SV2C: variants seen among roughly 807,000 people sequenced by gnomAD.
SV2C encodes solute carrier family 22 member B3.
SV2C carries 49 observed loss-of-function variants against 79.7 expected under a neutral mutation model. The ratio of observed to expected loss-of-function variants is 0.61; its 90% confidence interval spans 0.49 to 0.78. The LOEUF (loss-of-function observed/expected upper bound fraction) is 0.78. Among genes scored for constraint, SV2C ranks in the 30% least tolerant of loss-of-function variants. The pLI, the probability that SV2C is intolerant of heterozygous loss-of-function variation, is 0.00. For synonymous variants in SV2C, 334 were observed against 333.2 expected (o/e 1.00, Z -0.03); for missense variants, 833 against 912.9 (o/e 0.91, Z 1.13).
At chr5:76,008,647 C>A in the SV2C span, among the ~76,000 whole-genome samples, 723 of 152,266 alleles carry the variant, frequency 4.7e-3, 7 homozygotes, top group African/African-American at 0.017. Context: ...AAGTCCCCAG[C>A]ATCTCCCACT....
At chr5:76,255,997 A>G (rs1339235748) in intron 4 of SV2C, among the ~76,000 whole-genome samples, 1 of 152,216 alleles carries the variant, frequency 6.6e-6, no homozygotes, top group Non-Finnish European at 1.5e-5. Flanking sequence ...AGAATGCAAA[A>G]TATGTGCTAG....
intron 1 of SV2C, among the ~76,000 whole-genome samples, chr5:76,112,697 G>A (rs946314821): frequency 6.6e-6 from 1 of 152,222 alleles, no homozygotes; most frequent in African/African-American, 2.4e-5. Context: ...TGGAAGTGGT[G>A]AGAAAGTGAC....
chr5:76,268,467 C>T (rs56036011), intron 4 of SV2C, among the ~76,000 whole-genome samples: 3 of 152,258 alleles, frequency 2.0e-5, no homozygotes, highest in Non-Finnish European at 2.9e-5. Context: ...GGGCCCGTCC[C>T]GCTGCATGGC....
At chr5:76,219,272 CTTAATTTGTTAAT>C (rs1744994424) in intron 4 of SV2C, among the ~76,000 whole-genome samples, 1 of 152,176 alleles carries the variant, frequency 6.6e-6, no homozygotes, top group Admixed American at 6.5e-5. Context: ...AGTATTATTT[CTTAATTTGTTAAT>C]TTAATTTGTT....
intron 4 of SV2C, among the ~76,000 whole-genome samples, chr5:76,256,092 C>T (rs945244890): frequency 2.1e-4 from 32 of 152,218 alleles, no homozygotes; most frequent in African/African-American, 7.7e-4. Context: ...ACATGCTTGA[C>T]CCTTGGGTTC....
rs191450019 is a variant in SV2C at position 76,218,432 on chromosome 5, A to G, written c.913+8545A>G. 3.9e-5 allele frequency among the ~76,000 whole-genome samples: 6 copies of G among 152,350 alleles called. No individual in the cohort carries two copies. In the East Asian group the frequency reaches 1.2e-3, roughly 29 times the overall value. On this transcript the variant is annotated intron_variant, in intron 4 of 12. Transcript: ENST00000502798. Reference sequence around the variant, plus strand: ...ATGGAATACTATGCAGCCATAAAAAATAATGAGCTCATGTCCTTTGCAGGG... The same window carrying G: ...ATGGAATACTATGCAGCCATAAAAAGTAATGAGCTCATGTCCTTTGCAGGG...
At chr5:75,984,115 A>G in the SV2C span, among the ~76,000 whole-genome samples, 66 of 152,224 alleles carry the variant, frequency 4.3e-4, no homozygotes, top group Middle Eastern at 3.4e-3. Context: ...CTGCCCACCC[A>G]TATAGAACTA....
chr5:76,035,654 G>C, the SV2C span, among the ~76,000 whole-genome samples: 17 of 152,230 alleles, frequency 1.1e-4, no homozygotes, highest in African/African-American at 3.4e-4. Flanking sequence ...CTGAGGAGAG[G>C]TTTACTTCCA....
At chr5:75,984,011 A>G in the SV2C span, among the ~76,000 whole-genome samples, 2 of 152,260 alleles carry the variant, frequency 1.3e-5, no homozygotes, top group East Asian at 1.9e-4. Context: ...CGGCCAGCCC[A>G]GCTACTCCAG....
rs6876070 is a variant in SV2C at position 76,283,412 on chromosome 5, T to G, written c.914-1750T>G. On this transcript the variant is annotated intron_variant, in intron 4 of 12. Coordinates refer to ENST00000502798, the MANE Select transcript of SV2C (RefSeq NM_014979.4). ...TCCCCCTATACTTTATGAAATGTGC[T>G]GTGGCCTGAAATTTAAAACATTGCA... 5.8e-3 allele frequency among the ~76,000 whole-genome samples: 890 copies of G among 152,302 alleles called. 9 individuals carry two copies. Among genetic ancestry groups the G allele is most frequent in the African/African-American group, 0.02 (845 of 41,556 alleles).
the SV2C span, among the ~76,000 whole-genome samples, chr5:75,935,249 G>T: frequency 1.3e-5 from 2 of 151,904 alleles, no homozygotes; most frequent in African/African-American, 4.8e-5. Flanking sequence ...TCTCCCATTA[G>T]GCTGGTAAAG....
Position 76,131,857 on chromosome 5 carries a change from G to C in SV2C, c.107G>C (p.Arg36Pro). Residue 36 changes from arginine to proline, a missense_variant, in exon 2 of 13, where the codon CGA (arginine) becomes CCA (proline). Physicochemically the swap from Arg to Pro is moderately radical, Grantham distance 103 (BLOSUM62 -2). Transcript: ENST00000502798. ...AAGAAGGTGAATCAAGCTGTGGACC[G>C]AGCCCAGGATGAATACACCCAGAGG... ...TVKKVNQAVD[R>P]AQDEYTQRSY... is the part of the protein sequence containing the mutation. The C allele has an allele frequency of 1.2e-6, 2 of 1,614,032 alleles. No homozygotes were observed. Among genetic ancestry groups the C allele is most frequent in the Non-Finnish European group, 1.7e-6 (2 of 1,179,988 alleles).
intron 2 of SV2C, among the ~76,000 whole-genome samples, chr5:76,152,751 G>T (rs1342509897): frequency 6.6e-6 from 1 of 152,146 alleles, no homozygotes; most frequent in East Asian, 1.9e-4. Context: ...GTGGGTTTCT[G>T]CTGGATCAGT....
rs369378372 is a variant in SV2C at position 76,298,410 on chromosome 5, C to G, written c.1503-384C>G. Among the ~76,000 whole-genome samples, 25 of 152,124 alleles carry G rather than the reference C, an allele frequency of 1.6e-4. No individual in the cohort carries two copies. In the South Asian group the frequency reaches 4.8e-3, roughly 29 times the overall value. On this transcript the variant is annotated intron_variant, in intron 9 of 12. Transcript: ENST00000502798. ...ATCCTTAAGTTAGAGCCATTAACCC[C>G]AAATAGAGAATATTCAAATAAAGAT...
At chr5:75,901,536 G>A in the SV2C span, among the ~76,000 whole-genome samples, 9 of 152,210 alleles carry the variant, frequency 5.9e-5, no homozygotes, top group Admixed American at 3.9e-4. Context: ...GGGGTCAGGG[G>A]TCAGGGACCC....
intron 10 of SV2C, among the ~76,000 whole-genome samples, chr5:76,299,619 C>T (rs756617913): frequency 6.6e-6 from 1 of 152,228 alleles, no homozygotes; most frequent in Non-Finnish European, 1.5e-5. Context: ...AGCATAACAG[C>T]GTGGCATTGG....
At chr5:75,855,405 A>G in the SV2C span, among the ~76,000 whole-genome samples, 1 of 152,074 alleles carries the variant, frequency 6.6e-6, no homozygotes, top group East Asian at 1.9e-4. Context: ...GACTTTTGTG[A>G]TAGATTCTTA....
chr5:76,078,525 G>A, upstream of SV2C: 1 of 279,934 alleles, frequency 3.6e-6, no homozygotes. Flanking sequence ...GGCATTAAGG[G>A]CTTAACAAGA....
the SV2C span, among the ~76,000 whole-genome samples, chr5:76,048,652 T>C: frequency 1.3e-5 from 2 of 151,748 alleles, no homozygotes; most frequent in Non-Finnish European, 2.9e-5. Context: ...GTAAAGGACA[T>C]TTTGAGAGCA....
Sources: allele counts gnomAD v4.1 joint callset (sites outside exome capture counted in the v4.1 genomes callset), GRCh38; gene constraint gnomAD v4.1.1; transcripts MANE v1.5; gene names NCBI Gene and HGNC (gene_info 2026-07-23, HGNC 2026-07-21).